RPRD1B: variants seen among roughly 807,000 people sequenced by gnomAD.
RPRD1B encodes the protein regulation of nuclear pre-mRNA domain-containing protein 1B.
In RPRD1B, 11 loss-of-function variants were observed where a neutral mutation model predicts 41.5. That is an observed-to-expected ratio of 0.27 (90% CI 0.17 to 0.44). RPRD1B has a LOEUF of 0.44. Among genes scored for constraint, RPRD1B ranks in the 20% least tolerant of loss-of-function variants. RPRD1B has a pLI of 1.00. For synonymous variants in RPRD1B, 158 were observed against 155.6 expected, an observed-to-expected ratio of 1.02 and a Z score of -0.12; for missense variants, 248 against 389.9, an observed-to-expected ratio of 0.64 and a Z score of 3.06.
intron 2 of RPRD1B, among the ~76,000 whole-genome samples, chr20:38,043,602 G>T (rs545443404): frequency 6.6e-6 from 1 of 152,204 alleles, no homozygotes; most frequent in Non-Finnish European, 1.5e-5. Flanking sequence ...CAGGCTAGAG[G>T]TGACATTGCC....
chr20:38,037,225 A>G (rs2074012808), intron 1 of RPRD1B, among the ~76,000 whole-genome samples: 1 of 152,174 alleles, frequency 6.6e-6, no homozygotes, highest in Admixed American at 6.5e-5. Context: ...ATAATTTTTA[A>G]TTTATCCCAT....
intron 6 of RPRD1B, among the ~76,000 whole-genome samples, chr20:38,077,515 C>A (rs143162883): frequency 3.9e-5 from 6 of 152,220 alleles, no homozygotes; most frequent in African/African-American, 1.4e-4. Context: ...GTTGCTTTGG[C>A]CTCCTTGTCA....
At chr20:38,048,934 G>C (rs1162930398) in intron 3 of RPRD1B, among the ~76,000 whole-genome samples, 1 of 152,128 alleles carries the variant, frequency 6.6e-6, no homozygotes, top group Admixed American at 6.6e-5. Flanking sequence ...TGTCAGCATG[G>C]TGTCTGTCTA....
intron 6 of RPRD1B, among the ~76,000 whole-genome samples, chr20:38,082,422 C>T (rs1403741545): frequency 2.0e-5 from 3 of 152,076 alleles, no homozygotes; most frequent in South Asian, 2.1e-4. Context: ...AGTCTTGCTC[C>T]GTCCCCCAGG....
At chr20:38,050,769 C>T (rs568230005) in intron 3 of RPRD1B, among the ~76,000 whole-genome samples, 2 of 152,164 alleles carry the variant, frequency 1.3e-5, no homozygotes. Context: ...ATAATAGAGG[C>T]AGTTTCCTCT....
At chr20:38,056,635 G>C (rs1328802548) in intron 3 of RPRD1B, among the ~76,000 whole-genome samples, 2 of 152,190 alleles carry the variant, frequency 1.3e-5, no homozygotes, top group Admixed American at 1.3e-4. Flanking sequence ...AAAGAGGACA[G>C]GTTTTGGAGT....
intron 6 of RPRD1B, among the ~76,000 whole-genome samples, chr20:38,073,012 G>A (rs751133800): frequency 6.6e-6 from 1 of 152,244 alleles, no homozygotes; most frequent in African/African-American, 2.4e-5. Flanking sequence ...CCTAGAGAGA[G>A]AGGTAGCTGC....
At chr20:38,064,318 CATTAAGA>C (rs1271076525) in intron 5 of RPRD1B, among the ~76,000 whole-genome samples, 2 of 152,234 alleles carry the variant, frequency 1.3e-5, no homozygotes, top group African/African-American at 2.4e-5. Context: ...GCAATATTCA[CATTAAGA>C]AGGCATCGAA....
chr20:38,081,355 T>G (rs1008612188), intron 6 of RPRD1B, among the ~76,000 whole-genome samples: 1 of 152,218 alleles, frequency 6.6e-6, no homozygotes, highest in South Asian at 2.1e-4. Flanking sequence ...GGCTGTCAGC[T>G]TGGACATTAT....
chr20:38,091,013 T>G lies in RPRD1B; in HGVS notation c.*1138T>G, dbSNP rs2074607717. 2.0e-6 allele frequency: 2 copies of G among 985,236 alleles called. No individual in the cohort carries two copies. The highest frequency in any genetic ancestry group is 2.4e-6 in the Non-Finnish European group (2 of 829,850). 61.0% of individuals were successfully genotyped at this position (985,236 alleles called of 1,614,324 possible). On this transcript the variant is annotated 3_prime_UTR_variant, in exon 7 of 7. Transcript: ENST00000373433. Reference sequence around the variant, plus strand: ...GGGAGTTGGGGATATTAATTGGGGGTTTTAATTCTATTATCATGTCAGCTG... The same window carrying G: ...GGGAGTTGGGGATATTAATTGGGGGGTTTAATTCTATTATCATGTCAGCTG...
intron 1 of RPRD1B, among the ~76,000 whole-genome samples, chr20:38,038,490 G>GTTTTTTTTTTTTT (rs150397040): frequency 5.2e-5 from 4 of 76,788 alleles, no homozygotes; most frequent in Admixed American, 1.7e-4. Flanking sequence ...TTTTTGTTTT[G>GTTTTTTTTTTTTT]TTTTTTTTTT....
In RPRD1B at chr20:38,040,309, T is replaced by C. The variant is rs571285557; in HGVS notation, c.152-126T>C. The C allele has an allele frequency of 2.8e-4, 175 of 619,040 alleles. 1 individual carries two copies. In the African/African-American group the frequency reaches 3.1e-3, roughly 11 times the overall value. 38.3% of individuals were successfully genotyped at this position (619,040 alleles called of 1,614,324 possible). ...TCCTTAGGTGGTCTTTTTAAACATA[T>C]CTACTTGACCCCCCAGGTAGATAAT... On this transcript the variant is annotated intron_variant, in intron 1 of 6. Coordinates refer to ENST00000373433, the MANE Select transcript of RPRD1B (RefSeq NM_021215.4).
chr20:38,068,738 G>C (rs569659194), intron 6 of RPRD1B, among the ~76,000 whole-genome samples: 4 of 152,278 alleles, frequency 2.6e-5, no homozygotes, highest in South Asian at 2.1e-4. Flanking sequence ...CTGAACCTAA[G>C]ATTTTTCTCT....
intron 6 of RPRD1B, among the ~76,000 whole-genome samples, chr20:38,067,745 C>T (rs561318439): frequency 1.3e-5 from 2 of 152,220 alleles, no homozygotes; most frequent in East Asian, 3.8e-4. Flanking sequence ...GGGAGTTTTA[C>T]AGGCAGTACC....
intron 1 of RPRD1B, 58 bp downstream of exon 1, chr20:38,034,156 C>G (rs1265077248): frequency 1.3e-6 from 2 of 1,552,556 alleles, no homozygotes; most frequent in East Asian, 4.5e-5. Flanking sequence ...CGCCCACATA[C>G]AACCTAGGCC....
chr20:38,082,982 TGTTA>T (rs909493644), intron 6 of RPRD1B, among the ~76,000 whole-genome samples: 4 of 152,220 alleles, frequency 2.6e-5, no homozygotes, highest in African/African-American at 7.2e-5. Flanking sequence ...AAAATTTGTC[TGTTA>T]GTTTGTCTTT....
intron 2 of RPRD1B, among the ~76,000 whole-genome samples, chr20:38,044,144 A>G (rs6013730): frequency 0.29 from 44,401 of 152,070 alleles, 9,437 homozygotes; most frequent in African/African-American, 0.61. Context: ...GGTGATGTGC[A>G]TGCAGTACCC....
At chr20:38,034,229 AAAGTTAGCCCCATTTCTCGAAG>A in intron 1 of RPRD1B, 131 bp downstream of exon 1, 1 of 1,028,584 alleles carries the variant, frequency 9.7e-7, no homozygotes, top group Non-Finnish European at 1.4e-6. Flanking sequence ...GATGGGAGAC[AAAGTTAGCCCCATTTCTCGAAG>A]AAGGAAACTG....
intron 6 of RPRD1B, among the ~76,000 whole-genome samples, chr20:38,068,697 C>T (rs529886910): frequency 2.6e-5 from 4 of 152,294 alleles, no homozygotes; most frequent in South Asian, 2.1e-4. Flanking sequence ...TCTTTATCCA[C>T]GCTTGCTAAA....
Sources: gnomAD v4.1 joint callset for allele counts (sites outside exome capture counted in the v4.1 genomes callset) on GRCh38, gnomAD v4.1.1 for gene constraint, MANE v1.5 for transcripts, NCBI Gene and HGNC (gene_info 2026-07-23, HGNC 2026-07-21) for gene names.